The following SH3RF3 variants were observed in gnomAD, a reference collection of about 807,000 sequenced individuals.
SH3RF3 encodes SH3 domain containing ring finger 3.
Under a neutral mutation model 66.3 loss-of-function variants are expected in SH3RF3, and 29 were observed. The ratio of observed to expected loss-of-function variants is 0.44; its 90% CI spans 0.33 to 0.60. SH3RF3 has a LOEUF of 0.60. SH3RF3 is among the 20% of genes least tolerant of loss of function. SH3RF3 has a pLI of 0.04. For missense variants in SH3RF3, 1,194 were observed against 1,190.9 expected (o/e 1.00, Z -0.04); for synonymous variants, 583 against 532.0 (o/e 1.10, Z -1.32).
intron 1 of SH3RF3, among the ~76,000 whole-genome samples, chr2:109,213,758 A>G (rs953675143): frequency 3.3e-5 from 5 of 152,174 alleles, no homozygotes; most frequent in African/African-American, 1.2e-4. Flanking sequence ...GGTTTTAAAT[A>G]GGAACGTGAC....
intron 1 of SH3RF3, among the ~76,000 whole-genome samples, chr2:109,303,672 G>C (rs529528774): frequency 6.6e-6 from 1 of 152,154 alleles, no homozygotes; most frequent in East Asian, 1.9e-4. Context: ...GCCCACATTC[G>C]GGTTTTGTTT....
chr2:109,210,052 C>T (rs528258282), intron 1 of SH3RF3, among the ~76,000 whole-genome samples: 1 of 152,340 alleles, frequency 6.6e-6, no homozygotes, highest in African/African-American at 2.4e-5. Flanking sequence ...CAGAGTCAAA[C>T]AGTATTTGTC....
chr2:109,504,373 G>A lies in SH3RF3; in HGVS notation c.*2702G>A, dbSNP rs983522321. 6.6e-6 allele frequency: 1 copy of A among 152,276 alleles called. No homozygotes were observed. The highest frequency in any genetic ancestry group is 1.5e-5 in the Non-Finnish European group (1 of 68,084). The allele number at this position is 152,276 out of a possible 1,614,324, so 9.4% of individuals were successfully genotyped here. A position where few individuals can be genotyped will look rare whatever the true frequency, so the allele number is the denominator to read the frequency against. ...GCAGGCCACCAGGGGCCTCTGCCCA[G>A]AGGGAGGCAGAGAGGATGGCGGCCA... On this transcript the variant is annotated 3_prime_UTR_variant, in exon 10 of 10. Transcript: ENST00000309415.
At chr2:109,342,856 A>G (rs1559033368) in intron 1 of SH3RF3, among the ~76,000 whole-genome samples, 1 of 152,240 alleles carries the variant, frequency 6.6e-6, no homozygotes, top group Non-Finnish European at 1.5e-5. Flanking sequence ...TGAAATTGAC[A>G]TTATAAGTTT....
At position 109,464,815 on chromosome 2, in the gene SH3RF3, C is replaced by A. The variant is rs141660250; in HGVS notation, c.2148+15326C>A. ...CAGGACTGATGAACCTACCTTGACACATCATTACCCAATGTCCATAGTTTA... is the reference window on the plus strand; with the variant it reads ...CAGGACTGATGAACCTACCTTGACAAATCATTACCCAATGTCCATAGTTTA... On this transcript the variant is annotated intron_variant, in intron 8 of 9. Transcript: ENST00000309415. Among the ~76,000 whole-genome samples the A allele has an allele frequency of 9.8e-5, 15 of 152,352 alleles. No homozygotes were observed. The East Asian group carries it at 2.9e-3, about 29-fold the overall frequency.
At chr2:109,420,155 T>C (rs1676833126) in intron 5 of SH3RF3, among the ~76,000 whole-genome samples, 2 of 152,246 alleles carry the variant, frequency 1.3e-5, no homozygotes, top group South Asian at 4.1e-4. Flanking sequence ...GTGAGATGTT[T>C]ATCTTGTTTA....
chr2:109,265,505 C>G (rs1680467427), intron 1 of SH3RF3, among the ~76,000 whole-genome samples: 1 of 152,220 alleles, frequency 6.6e-6, no homozygotes, highest in African/African-American at 2.4e-5. Flanking sequence ...CTGCTGCCCA[C>G]CCTTAGGCTG....
chr2:109,237,143 T>C (rs1679668736), intron 1 of SH3RF3, among the ~76,000 whole-genome samples: 1 of 152,224 alleles, frequency 6.6e-6, no homozygotes, highest in Non-Finnish European at 1.5e-5. Context: ...GTTCACGGAA[T>C]AGATTTTAAA....
intron 7 of SH3RF3, among the ~76,000 whole-genome samples, chr2:109,443,746 A>G (rs961098241): frequency 6.6e-6 from 1 of 152,234 alleles, no homozygotes; most frequent in Non-Finnish European, 1.5e-5. Flanking sequence ...TTCAAAATAC[A>G]TAAGCAATAT....
chr2:109,490,984 CTG>C, intron 9 of SH3RF3, 48 bp downstream of exon 9: 1 of 1,400,478 alleles, frequency 7.1e-7, no homozygotes, highest in Non-Finnish European at 9.3e-7. Context: ...GGTTTGGCCT[CTG>C]AGGTCTGGAG....
intron 8 of SH3RF3, among the ~76,000 whole-genome samples, chr2:109,479,071 C>A (rs184020375): frequency 2.6e-5 from 4 of 152,294 alleles, no homozygotes; most frequent in Admixed American, 1.3e-4. Context: ...TGGCTGGAAC[C>A]TTGGCCGGGC....
At chr2:109,300,251 G>A (rs1008459739) in intron 1 of SH3RF3, among the ~76,000 whole-genome samples, 3 of 152,150 alleles carry the variant, frequency 2.0e-5, no homozygotes, top group Non-Finnish European at 2.9e-5. Flanking sequence ...CCAGGCTGGA[G>A]TGCAGTGAAC....
intron 5 of SH3RF3, among the ~76,000 whole-genome samples, chr2:109,424,108 G>A (rs1326581606): frequency 6.6e-6 from 1 of 152,226 alleles, no homozygotes; most frequent in Non-Finnish European, 1.5e-5. Flanking sequence ...CTGGAGGCAG[G>A]CCCTGAGATG....
At chr2:109,148,911 A>C (rs1307662276) in intron 1 of SH3RF3, among the ~76,000 whole-genome samples, 5 of 152,014 alleles carry the variant, frequency 3.3e-5, no homozygotes, top group African/African-American at 1.2e-4. Context: ...GGTTTTACCC[A>C]AAAAAAATCA....
chr2:109,309,377 G>A (rs1218074752), intron 1 of SH3RF3, among the ~76,000 whole-genome samples: 2 of 147,822 alleles, frequency 1.4e-5, no homozygotes, highest in East Asian at 2.0e-4. Context: ...GGAACAACCG[G>A]TACCAGCTGC....
At chr2:109,208,373 CG>C (rs1175754500) in intron 1 of SH3RF3, among the ~76,000 whole-genome samples, 7 of 152,240 alleles carry the variant, frequency 4.6e-5, no homozygotes, top group Non-Finnish European at 1.0e-4. Context: ...TTCCCATGCT[CG>C]GTCTTCAGGG....
At position 109,403,672 on chromosome 2, in the gene SH3RF3, G is replaced by C. The variant is rs186890661; in HGVS notation, c.1299+4729G>C. 6.9e-3 allele frequency among the ~76,000 whole-genome samples: 1,053 copies of C among 152,342 alleles called. 8 individuals are homozygous for C. Among genetic ancestry groups the C allele is most frequent in the East Asian group, 0.041 (211 of 5,180 alleles). The stretch of plus-strand genomic sequence containing the variant: ...AGGCTGAGGCCAGGCTCAATGCAGG[G>C]TGCTGGGGTGGAGGTGCAGGCTCCC... On this transcript the variant is annotated intron_variant, in intron 4 of 9. Transcript: ENST00000309415.
At chr2:109,160,076 G>A (rs949337932) in intron 1 of SH3RF3, among the ~76,000 whole-genome samples, 1 of 152,212 alleles carries the variant, frequency 6.6e-6, no homozygotes, top group Non-Finnish European at 1.5e-5. Context: ...GTGCCAAAAA[G>A]GTTGGAGACT....
chr2:109,322,097 A>G (rs1682039880), intron 1 of SH3RF3, among the ~76,000 whole-genome samples: 1 of 152,090 alleles, frequency 6.6e-6, no homozygotes, highest in Non-Finnish European at 1.5e-5. Flanking sequence ...AAGCGGGGAG[A>G]GGGAAAGAAT....
Sources: gnomAD v4.1 joint callset for allele counts (sites outside exome capture counted in the v4.1 genomes callset) on GRCh38, gnomAD v4.1.1 for gene constraint, MANE v1.5 for transcripts, NCBI Gene and HGNC (gene_info 2026-07-23, HGNC 2026-07-21) for gene names.